Variants in PPP1R42 observed in about 807,000 individuals in gnomAD.
The protein encoded by PPP1R42 is protein phosphatase 1 regulatory subunit 42.
In PPP1R42, 34 loss-of-function variants were observed where a neutral mutation model predicts 31.0. That is an observed-to-expected ratio of 1.10 (90% confidence interval 0.83 to 1.46). PPP1R42 has a LOEUF of 1.46. Among genes scored for constraint, PPP1R42 ranks in the 40% most tolerant of loss-of-function variants. PPP1R42 has a pLI of 0.00. For synonymous variants in PPP1R42, 103 were observed against 109.8 expected (o/e 0.94, Z 0.39); for missense variants, 268 against 303.0 (o/e 0.88, Z 0.86).
intron 5 of PPP1R42, among the ~76,000 whole-genome samples, chr8:67,008,395 T>G (rs558102791): frequency 1.3e-5 from 2 of 151,964 alleles, no homozygotes; most frequent in Admixed American, 6.6e-5. Context: ...ACAGGGGAGA[T>G]GATATCAAGT....
Position 67,013,186 on chromosome 8 carries a change from G to A in PPP1R42, c.297-90C>T, listed in dbSNP as rs539555552. 1.1e-5 allele frequency: 11 copies of A among 1,015,974 alleles called. No individual in the cohort carries two copies. The East Asian group carries it at 2.4e-4, about 22-fold the overall frequency. The allele number at this position is 1,015,974 out of a possible 1,614,324, so 62.9% of individuals were successfully genotyped here. A position where few individuals can be genotyped will look rare whatever the true frequency, so the allele number is the denominator to read the frequency against. ...ACAAAAGTGTAATAACAAAATCACTGAGCTGAACAAAATTATAAATGTGGA... is the reference window on the plus strand; with the variant it reads ...ACAAAAGTGTAATAACAAAATCACTAAGCTGAACAAAATTATAAATGTGGA... On this transcript the variant is annotated intron_variant, in intron 3 of 7. Coordinates refer to ENST00000685739, the MANE Select transcript of PPP1R42 (RefSeq NM_001364910.1).
At chr8:66,983,487 A>G (rs1814910380) in intron 6 of PPP1R42, among the ~76,000 whole-genome samples, 1 of 152,032 alleles carries the variant, frequency 6.6e-6, no homozygotes, top group African/African-American at 2.4e-5. Flanking sequence ...TTCTTTCCAT[A>G]GGACTCTGCT....
chr8:66,969,609 G>A (rs1814484404), intron 7 of PPP1R42, among the ~76,000 whole-genome samples: 3 of 152,190 alleles, frequency 2.0e-5, no homozygotes, highest in Admixed American at 2.0e-4. Flanking sequence ...GCAGGGAATA[G>A]GGGTAGGACA....
intron 4 of PPP1R42, among the ~76,000 whole-genome samples, chr8:67,011,849 C>G (rs1049292812): frequency 6.6e-6 from 1 of 152,142 alleles, no homozygotes; most frequent in African/African-American, 2.4e-5. Context: ...AACATGGAGG[C>G]ATCCATGCAC....
chr8:67,028,364 C>CTA (rs943325108), intron 1 of PPP1R42, 127 bp downstream of exon 1: 190 of 387,544 alleles, frequency 4.9e-4, no homozygotes, highest in African/African-American at 3.9e-3. Context: ...TTCTGTATGT[C>CTA]TAAAGATAGG....
intron 5 of PPP1R42, among the ~76,000 whole-genome samples, chr8:66,988,839 T>C (rs1815104508): frequency 6.6e-6 from 1 of 152,138 alleles, no homozygotes; most frequent in African/African-American, 2.4e-5. Context: ...GTGTAGCTCA[T>C]AGAAGTTTAC....
intron 7 of PPP1R42, among the ~76,000 whole-genome samples, chr8:66,966,134 C>T (rs567870840): frequency 7.9e-5 from 12 of 152,282 alleles, no homozygotes; most frequent in Admixed American, 5.9e-4. Context: ...ATTTCATAAT[C>T]GAGATATCTC....
At chr8:66,990,474 C>T (rs924390436) in intron 5 of PPP1R42, among the ~76,000 whole-genome samples, 2 of 152,168 alleles carry the variant, frequency 1.3e-5, no homozygotes, top group Non-Finnish European at 2.9e-5. Context: ...TAATAAAAAG[C>T]TTTCACTTTC....
chr8:66,986,054 A>G, intron 6 of PPP1R42: 1 of 744,398 alleles, frequency 1.3e-6, no homozygotes, highest in South Asian at 1.3e-5. Context: ...GGGGAGTAGA[A>G]TCATCAAGAA....
At chr8:67,004,724 ATTCT>A (rs1382499753) in intron 5 of PPP1R42, among the ~76,000 whole-genome samples, 1 of 152,102 alleles carries the variant, frequency 6.6e-6, no homozygotes. Context: ...TTTCTTCGGA[ATTCT>A]TTCTTTTTGT....
intron 7 of PPP1R42, among the ~76,000 whole-genome samples, chr8:66,968,845 CT>C (rs1814458663): frequency 6.6e-6 from 1 of 151,986 alleles, no homozygotes; most frequent in South Asian, 2.1e-4. Flanking sequence ...AAAGTATTGC[CT>C]GAGGAAATAA....
chr8:66,986,809 T>A (rs1469584658), intron 6 of PPP1R42, among the ~76,000 whole-genome samples: 1 of 152,158 alleles, frequency 6.6e-6, no homozygotes, highest in Non-Finnish European at 1.5e-5. Flanking sequence ...AGAAAGTAAA[T>A]ACTTTCACAG....
intron 7 of PPP1R42, among the ~76,000 whole-genome samples, chr8:66,967,117 CAG>C (rs1263658298): frequency 1.4e-4 from 22 of 152,088 alleles, no homozygotes; most frequent in African/African-American, 4.8e-4. Context: ...GCTGGGACTA[CAG>C]AGACAAGCTA....
At chr8:66,986,768 T>TAA (rs1188678002) in intron 6 of PPP1R42, among the ~76,000 whole-genome samples, 1 of 152,264 alleles carries the variant, frequency 6.6e-6, no homozygotes, top group African/African-American at 2.4e-5. Flanking sequence ...GTGAGGCTTC[T>TAA]GCGTTTGTGC....
intron 5 of PPP1R42, among the ~76,000 whole-genome samples, chr8:66,989,852 T>TA (rs1815136552): frequency 6.6e-6 from 1 of 152,186 alleles, no homozygotes; most frequent in African/African-American, 2.4e-5. Context: ...TGAGGTTAAT[T>TA]AAGATTAGTT....
chr8:66,965,572 C>T (rs1039959808), intron 7 of PPP1R42, among the ~76,000 whole-genome samples: 9 of 151,712 alleles, frequency 5.9e-5, no homozygotes, highest in African/African-American at 2.2e-4. Context: ...CCCTAGCCTC[C>T]CAAGTAGCTG....
chr8:66,974,937 T>G (rs1814629861), intron 7 of PPP1R42, among the ~76,000 whole-genome samples: 1 of 152,244 alleles, frequency 6.6e-6, no homozygotes. Context: ...TCAGCTTTGT[T>G]CTTCATTCTT....
At chr8:67,003,423 A>G (rs977578171) in intron 5 of PPP1R42, among the ~76,000 whole-genome samples, 1 of 116,760 alleles carries the variant, frequency 8.6e-6, no homozygotes, top group Non-Finnish European at 1.6e-5. Context: ...ACAAGACTAC[A>G]TCTAAAAGCA....
At chr8:67,014,283 C>T (rs1407043590) in intron 3 of PPP1R42, 143 bp downstream of exon 3, 2 of 448,200 alleles carry the variant, frequency 4.5e-6, no homozygotes, top group Non-Finnish European at 3.8e-6. Flanking sequence ...GGTTTTTTTT[C>T]ATATAAGTAT....
Sources: gnomAD v4.1 joint callset for allele counts (sites outside exome capture counted in the v4.1 genomes callset) on GRCh38, gnomAD v4.1.1 for gene constraint, MANE v1.5 for transcripts, NCBI Gene and HGNC (gene_info 2026-07-23, HGNC 2026-07-21) for gene names.